The following GPRC5C variants were observed in gnomAD, a reference collection of about 807,000 sequenced individuals.
GPRC5C encodes the protein G protein-coupled receptor class C group 5 member C.
A neutral mutation model predicts 31.4 loss-of-function variants in GPRC5C; 22 were observed. The observed-to-expected ratio is 0.70, with a 90% confidence interval of 0.50 to 1.00. GPRC5C has a LOEUF of 1.00. GPRC5C is among the 50% of genes least tolerant of loss of function. The probability of loss-of-function intolerance (pLI) is 0.00; values close to 1 mark genes in which losing one functional copy is unlikely to be tolerated. For synonymous variants in GPRC5C, 249 were observed against 257.5 expected (o/e 0.97, Z 0.32); for missense variants, 557 against 597.2 (o/e 0.93, Z 0.70).
chr17:74,432,190 G>A, intron 1 of GPRC5C, 49 bp downstream of exon 1: 1 of 1,580,752 alleles, frequency 6.3e-7, no homozygotes, highest in South Asian at 1.1e-5. Flanking sequence ...TGTGTAAACG[G>A]AGCGCACGTA....
chr17:74,440,928 G>A lies in GPRC5C; in HGVS notation c.1051+101G>A, dbSNP rs1479854593. ...CTTGAGCAAAATGGAAAGTTTTTGA[G>A]GTTTTCTGTAGTTTTCTGCCTAAGT... On this transcript the variant is annotated intron_variant, in intron 2 of 3. Transcript: ENST00000392627. This position sits in a 1 kb window ranked among gnomAD's most constrained non-coding sequence, Gnocchi z 4.4. 9.8e-6 allele frequency: 11 copies of A among 1,121,590 alleles called. No homozygotes were observed. Among genetic ancestry groups the A allele is most frequent in the Non-Finnish European group, 1.3e-5 (11 of 848,610 alleles). The allele number at this position is 1,121,590 out of a possible 1,614,324, so 69.5% of individuals were successfully genotyped here.
In GPRC5C at chr17:74,440,169, C is replaced by T; in HGVS notation, c.393C>T (p.Phe131=). 1.9e-6 allele frequency: 3 copies of T among 1,614,222 alleles called. No homozygotes were observed. Among genetic ancestry groups the T allele is most frequent in the East Asian group, 2.2e-5 (1 of 44,884 alleles). ...FLFGVLFAIC[F]SCLAAHVFAL... ...TTGGGGTTCTGTTCGCCATCTGCTT[C>T]TCTTGTCTGGCGGCTCACGTCTTTG... Residue 131 remains phenylalanine, a synonymous_variant, in exon 2 of 4, where the codon TTC becomes TTT. Coordinates refer to ENST00000392627, the MANE Select transcript of GPRC5C (RefSeq NM_022036.4). This position sits in a 1 kb window ranked among gnomAD's most constrained non-coding sequence, Gnocchi z 4.4.
intron 1 of GPRC5C, among the ~76,000 whole-genome samples, chr17:74,435,289 C>T (rs2055417279): frequency 6.6e-6 from 1 of 152,226 alleles, no homozygotes; most frequent in Non-Finnish European, 1.5e-5. Flanking sequence ...CTGTGCTCTT[C>T]TGAGCTTCTC....
downstream of GPRC5C, chr17:74,448,907 C>A (rs963057801): frequency 7.8e-7 from 1 of 1,289,408 alleles, no homozygotes; most frequent in Non-Finnish European, 1.0e-6. Context: ...TCTCCGTGGC[C>A]CACCCTGGGT....
At chr17:74,441,103 C>T (rs568130610) in intron 2 of GPRC5C, among the ~76,000 whole-genome samples, 4 of 151,866 alleles carry the variant, frequency 2.6e-5, no homozygotes, top group East Asian at 1.9e-4. Flanking sequence ...GGTGAAACCC[C>T]GTCTCTACTA....
rs76554523 is a variant in GPRC5C, at chr17:74,446,749, G to T, written c.1147-100G>T. The T allele has an allele frequency of 1.1e-3, 980 of 919,066 alleles. 8 individuals are homozygous for T. The African/African-American group carries it at 0.014, about 13-fold the overall frequency. The allele number at this position is 919,066 out of a possible 1,614,324, so 56.9% of individuals were successfully genotyped here. A position where few individuals can be genotyped will look rare whatever the true frequency, so the allele number is the denominator to read the frequency against. Reference sequence around the variant, plus strand: ...AGGAGCCGAGGGGGGAGTTGGGGGGGATCTGGCAGTCCCAGCCCTGCAGGA... The same window carrying T: ...AGGAGCCGAGGGGGGAGTTGGGGGGTATCTGGCAGTCCCAGCCCTGCAGGA... On this transcript the variant is annotated intron_variant, in intron 3 of 3. Coordinates refer to ENST00000392627, the MANE Select transcript of GPRC5C (RefSeq NM_022036.4).
At chr17:74,448,770 C>T, downstream of GPRC5C, 1 of 697,644 alleles carries the variant, frequency 1.4e-6, no homozygotes, top group Non-Finnish European at 2.2e-6. Flanking sequence ...CAGAACTGTA[C>T]CATTTTGGGG....
At chr17:74,432,294 C>T in intron 1 of GPRC5C, 153 bp downstream of exon 1, 1 of 1,469,318 alleles carries the variant, frequency 6.8e-7, no homozygotes, top group South Asian at 1.4e-5. Context: ...AGCAAGGAGC[C>T]CTGCCTGGGG....
chr17:74,440,676 C>T lies in GPRC5C; in HGVS notation c.900C>T (p.Val300=). ...AFVLFYVIPE[V]SQVTKSSPEQ... ...TCCTCTTCTACGTCATCCCCGAGGT[C>T]TCCCAGGTGACCAAGTCCAGCCCAG... The change falls in exon 2 of 4, where the codon GTC becomes GTT. Residue 300 remains valine, a synonymous_variant. Transcript: ENST00000392627. This position sits in a 1 kb window ranked among gnomAD's most constrained non-coding sequence, Gnocchi z 4.4. 1.9e-6 allele frequency: 3 copies of T among 1,608,270 alleles called. No individual in the cohort carries two copies. Among genetic ancestry groups the T allele is most frequent in the South Asian group, 2.2e-5 (2 of 90,882 alleles).
Position 74,438,206 on chromosome 17 carries a change from CATATATATATAT to C in GPRC5C, c.-32-1504_-32-1493del, listed in dbSNP as rs71157066. Among the ~76,000 whole-genome samples, 184 of 45,262 alleles carry C rather than the reference CATATATATATAT, an allele frequency of 4.1e-3. 2 individuals are homozygous for C. The highest frequency in any genetic ancestry group is 9.9e-3 in the South Asian group (10 of 1,006). The allele number at this position is 45,262 out of a possible 152,430, so 29.7% of individuals were successfully genotyped here. A position where few individuals can be genotyped will look rare whatever the true frequency, so the allele number is the denominator to read the frequency against. On this transcript the variant is annotated intron_variant, in intron 1 of 3. Transcript: ENST00000392627. ...CATGCCACCACACTCTCTGCTAATTCATATATATATATATATATATATATATATATATATATA... is the reference window on the plus strand; with the variant it reads ...CATGCCACCACACTCTCTGCTAATTCATATATATATATATATATATATATA...
chr17:74,436,079 C>G (rs2055428058), intron 1 of GPRC5C, among the ~76,000 whole-genome samples: 1 of 152,214 alleles, frequency 6.6e-6, no homozygotes, highest in Admixed American at 6.5e-5. Flanking sequence ...CCCCATGATG[C>G]TAAAAGCAGC....
At chr17:74,446,818 C>G (rs372288571) in intron 3 of GPRC5C, 31 bp from the exon 4 acceptor site, 2 of 1,559,324 alleles carry the variant, frequency 1.3e-6, no homozygotes, top group Admixed American at 1.7e-5. Context: ...TCCCAATCCC[C>G]GACTGTGAGA....
chr17:74,433,566 G>T, intron 1 of GPRC5C: 1 of 729,414 alleles, frequency 1.4e-6, no homozygotes, highest in Non-Finnish European at 2.5e-6. Flanking sequence ...TGAGACAGTG[G>T]GACCTAACCA....
At chr17:74,448,906 C>G (rs1320953276), downstream of GPRC5C, 1 of 1,289,316 alleles carries the variant, frequency 7.8e-7, no homozygotes, top group Admixed American at 2.3e-5. Flanking sequence ...CTCTCCGTGG[C>G]CCACCCTGGG....
rs1176815451 is a variant in GPRC5C, at chr17:74,440,140, C to T, written c.364C>T (p.Leu122Phe). The T allele has an allele frequency of 4.3e-6, 7 of 1,614,078 alleles. No individual in the cohort carries two copies. The highest frequency in any genetic ancestry group is 1.3e-5 in the African/African-American group (1 of 74,928). ...DFSTCASRRFLFGVLFAICFS... is the reference protein window; with the variant it reads ...DFSTCASRRFFFGVLFAICFS... ...CTCCACCTGTGCCTCTCGGCGCTTC[C>T]TCTTTGGGGTTCTGTTCGCCATCTG... The change falls in exon 2 of 4, where the codon CTC becomes TTC. Residue 122 changes from leucine (L) to phenylalanine (F), a missense_variant. Leu to Phe is a conservative substitution (Grantham distance 22). Coordinates refer to ENST00000392627, the MANE Select transcript of GPRC5C (RefSeq NM_022036.4). The surrounding 1 kb of genome is among the most constrained non-coding windows in gnomAD (Gnocchi z 4.4).
intron 1 of GPRC5C, chr17:74,433,780 C>T (rs749658530): frequency 1.9e-5 from 30 of 1,576,962 alleles, no homozygotes; most frequent in Non-Finnish European, 4.4e-6. Context: ...TTTGGTTGGC[C>T]CTGTGACGCG....
intron 3 of GPRC5C, 31 bp downstream of exon 3, chr17:74,443,943 G>C: frequency 6.9e-7 from 1 of 1,446,624 alleles, no homozygotes; most frequent in Non-Finnish European, 9.7e-7. Flanking sequence ...CCCGTGACAC[G>C]TCTGGGCTAC....
At chr17:74,442,450 G>A (rs1440123193) in intron 2 of GPRC5C, among the ~76,000 whole-genome samples, 1 of 152,178 alleles carries the variant, frequency 6.6e-6, no homozygotes, top group Non-Finnish European at 1.5e-5. Context: ...CCCATTGCAC[G>A]CATCCCACCT....
At chr17:74,436,651 C>T (rs940233121) in intron 1 of GPRC5C, among the ~76,000 whole-genome samples, 4 of 152,192 alleles carry the variant, frequency 2.6e-5, no homozygotes, top group African/African-American at 4.8e-5. Flanking sequence ...CCTTCCCAGG[C>T]GCACAGTCAA....
Sources: gnomAD v4.1 joint callset for allele counts (sites outside exome capture counted in the v4.1 genomes callset) on GRCh38, gnomAD v4.1.1 for gene constraint, Gnocchi (gnomAD v3.1) non-coding constraint, MANE v1.5 for transcripts, NCBI Gene and HGNC (gene_info 2026-07-23, HGNC 2026-07-21) for gene names.